The following MTHFD1L variants were observed in gnomAD, a reference collection of about 807,000 sequenced individuals.
MTHFD1L encodes the protein monofunctional C1-tetrahydrofolate synthase, mitochondrial.
Under a neutral mutation model 119.5 loss-of-function variants are expected in MTHFD1L, and 81 were observed. The ratio of observed to expected loss-of-function variants is 0.68; its 90% CI spans 0.57 to 0.82. MTHFD1L has a LOEUF of 0.82. Among genes scored for constraint, MTHFD1L ranks in the 40% least tolerant of loss-of-function variants. The pLI, the probability that MTHFD1L is intolerant of heterozygous loss-of-function variation, is 0.00. For synonymous variants in MTHFD1L, 430 were observed against 475.2 expected, an observed-to-expected ratio of 0.90 and a Z score of 1.24; for missense variants, 1,125 against 1,253.4, an observed-to-expected ratio of 0.90 and a Z score of 1.55.
intron 24 of MTHFD1L, chr6:151,021,903 G>A (rs919698019): frequency 7.5e-6 from 3 of 397,744 alleles, no homozygotes; most frequent in Admixed American, 2.7e-5. Context: ...TAAATGAGGA[G>A]TTAAGGTTGA....
intron 20 of MTHFD1L, among the ~76,000 whole-genome samples, chr6:151,002,414 C>G (rs190084072): frequency 6.6e-6 from 1 of 152,268 alleles, no homozygotes; most frequent in East Asian, 1.9e-4. Context: ...GAAAATGTTT[C>G]ACAAATGTTA....
Position 151,039,956 on chromosome 6 carries a change from G to A in MTHFD1L, c.2847+2839G>A, listed in dbSNP as rs754274486. ...TACATACATACATACATGCATACATGCATACATGCATACATAGAATGGCCT... is the reference window on the plus strand; with the variant it reads ...TACATACATACATACATGCATACATACATACATGCATACATAGAATGGCCT... On this transcript the variant is annotated intron_variant, in intron 26 of 27. Coordinates refer to ENST00000367321, the MANE Select transcript of MTHFD1L (RefSeq NM_015440.5). The surrounding 1 kb of genome is among the most constrained non-coding windows in gnomAD (Gnocchi z 4.4). Among the ~76,000 whole-genome samples the A allele has an allele frequency of 2.4e-3, 353 of 144,462 alleles. 1 individual carries two copies. Among genetic ancestry groups the A allele is most frequent in the Non-Finnish European group, 4.1e-3 (278 of 67,336 alleles). The allele number at this position is 144,462 out of a possible 152,430, so 94.8% of individuals were successfully genotyped here.
chr6:150,943,554 A>C (rs575757704), intron 13 of MTHFD1L, among the ~76,000 whole-genome samples: 1 of 152,282 alleles, frequency 6.6e-6, no homozygotes, highest in Admixed American at 6.5e-5. Context: ...TTAGCAATTA[A>C]TTTTTTTAAT....
rs893395870 is a variant in MTHFD1L at position 151,015,562 on chromosome 6, C to T, written c.2455C>T (p.Arg819Trp). The change falls in exon 24 of 28, where the codon CGG (arginine) becomes TGG (tryptophan). Residue 819 changes from arginine to tryptophan, a missense_variant. Physicochemically the swap from Arg to Trp is moderately radical, Grantham distance 101 (BLOSUM62 -3). This residue lies in a region of MTHFD1L where 1,058 missense variants were observed against 1,151.2 expected (regional missense o/e 0.92). Coordinates refer to ENST00000367321, the MANE Select transcript of MTHFD1L (RefSeq NM_015440.5). Reference sequence around the variant, plus strand: ...TGACTTGGTGTGTGAGCTTGCAAAGCGGGCTGGTGCCTTTGATGCAGTCCC... The same window carrying T: ...TGACTTGGTGTGTGAGCTTGCAAAGTGGGCTGGTGCCTTTGATGCAGTCCC... The part of the protein sequence containing the change: ...EIDLVCELAK[R>W]AGAFDAVPCY... 1.5e-5 allele frequency: 24 copies of T among 1,613,946 alleles called. No homozygotes were observed. The highest frequency in any genetic ancestry group is 1.7e-4 in the Middle Eastern group (1 of 6,058).
At chr6:150,943,906 C>T (rs115581451) in intron 13 of MTHFD1L, among the ~76,000 whole-genome samples, 3,240 of 152,228 alleles carry the variant, frequency 0.021, 49 homozygotes, top group African/African-American at 0.043. Context: ...TGCCCTGCCT[C>T]ACTCCAAAGT....
intron 11 of MTHFD1L, chr6:150,935,440 A>T: frequency 6.2e-7 from 1 of 1,612,598 alleles, no homozygotes. Flanking sequence ...AACTGAGCTC[A>T]TCAGCTCCTT....
chr6:150,951,341 T>C (rs956386325), intron 16 of MTHFD1L, among the ~76,000 whole-genome samples: 19 of 152,106 alleles, frequency 1.2e-4, no homozygotes, highest in South Asian at 1.0e-3. Context: ...CTAGAAACTT[T>C]CAAGGATACA....
chr6:150,955,050 AT>A (rs1795418216), intron 16 of MTHFD1L, among the ~76,000 whole-genome samples: 1 of 151,760 alleles, frequency 6.6e-6, no homozygotes, highest in Non-Finnish European at 1.5e-5. Flanking sequence ...ATAACGAAAT[AT>A]TTTTCCCCAT....
intron 6 of MTHFD1L, among the ~76,000 whole-genome samples, chr6:150,886,341 C>T (rs141920371): frequency 0.012 from 1,801 of 146,930 alleles, 25 homozygotes; most frequent in Non-Finnish European, 0.016. Context: ...GAGGCTCAGG[C>T]GGGAAGATCG....
intron 25 of MTHFD1L, 112 bp downstream of exon 25, chr6:151,034,712 T>G: frequency 1.4e-6 from 1 of 716,222 alleles, no homozygotes. Flanking sequence ...GCTTAATCTA[T>G]TGTATGGTTA....
At chr6:150,941,122 T>C (rs1793028686) in intron 13 of MTHFD1L, among the ~76,000 whole-genome samples, 1 of 151,990 alleles carries the variant, frequency 6.6e-6, no homozygotes, top group South Asian at 2.1e-4. Context: ...GAATTGAAAG[T>C]GAAAACACTA....
chr6:150,880,253 T>G (rs1048463018), intron 4 of MTHFD1L, among the ~76,000 whole-genome samples: 2 of 152,120 alleles, frequency 1.3e-5, no homozygotes, highest in Non-Finnish European at 2.9e-5. Context: ...CTCTCCCCAT[T>G]TCCCCTCCCC....
At chr6:150,897,522 T>C (rs1784436752) in intron 7 of MTHFD1L, among the ~76,000 whole-genome samples, 1 of 152,194 alleles carries the variant, frequency 6.6e-6, no homozygotes, top group South Asian at 2.1e-4. Flanking sequence ...ATCTGGAGCT[T>C]TAATGCACTT....
chr6:151,006,954 G>GTTT (rs1354070722), intron 20 of MTHFD1L, among the ~76,000 whole-genome samples: 1 of 152,022 alleles, frequency 6.6e-6, no homozygotes, highest in African/African-American at 2.4e-5. Flanking sequence ...AAAAAAATGC[G>GTTT]TAACATTTGG....
chr6:150,920,050 G>A (rs1219920880), intron 9 of MTHFD1L, among the ~76,000 whole-genome samples: 1 of 152,128 alleles, frequency 6.6e-6, no homozygotes, highest in African/African-American at 2.4e-5. Context: ...TCCTCATCAT[G>A]TCCACCTCTC....
intron 8 of MTHFD1L, among the ~76,000 whole-genome samples, chr6:150,909,482 G>T (rs1298139450): frequency 6.6e-6 from 1 of 151,984 alleles, no homozygotes; most frequent in African/African-American, 2.4e-5. Context: ...GCCTCAAATA[G>T]TCCTCCCGCC....
At chr6:151,005,410 A>C (rs571016631) in intron 20 of MTHFD1L, among the ~76,000 whole-genome samples, 9 of 152,270 alleles carry the variant, frequency 5.9e-5, no homozygotes, top group African/African-American at 2.2e-4. Context: ...GCAGCATTTC[A>C]GGACAGTTTT....
intron 27 of MTHFD1L, among the ~76,000 whole-genome samples, chr6:151,098,301 G>T (rs1274989538): frequency 1.3e-5 from 2 of 152,196 alleles, no homozygotes; most frequent in African/African-American, 4.8e-5. Context: ...GATTTGTTCA[G>T]TCCCAAGTCA....
chr6:151,010,752 G>T (rs1782096635), intron 21 of MTHFD1L, among the ~76,000 whole-genome samples: 1 of 146,352 alleles, frequency 6.8e-6, no homozygotes, highest in African/African-American at 2.6e-5. Flanking sequence ...ATTTTATACT[G>T]ATTAATCATT....
Sources: allele counts gnomAD v4.1 joint callset (sites outside exome capture counted in the v4.1 genomes callset), GRCh38; gene constraint gnomAD v4.1.1; regional missense constraint gnomAD v4.1.1; non-coding constraint Gnocchi (gnomAD v3.1); transcripts MANE v1.5; gene names NCBI Gene and HGNC (gene_info 2026-07-23, HGNC 2026-07-21).